LTBP1: variants seen among roughly 807,000 people sequenced by gnomAD.
LTBP1 encodes the protein latent transforming growth factor beta binding protein 1, also known as latent-transforming growth factor beta-binding protein 1.
Under a neutral mutation model 207.6 loss-of-function variants are expected in LTBP1, and 129 were observed. That is an observed-to-expected ratio of 0.62 (90% CI 0.54 to 0.72). The LOEUF is 0.72. Among genes scored for constraint, LTBP1 ranks in the 30% least tolerant of loss-of-function variants. The pLI, the probability that LTBP1 is intolerant of heterozygous loss-of-function variation, is 0.00. For missense variants in LTBP1, 2,281 were observed against 2,217.2 expected (o/e 1.03, Z -0.58); for synonymous variants, 963 against 833.7 (o/e 1.16, Z -2.67).
chr2:33,224,298 G>T (rs538515241), intron 9 of LTBP1, among the ~76,000 whole-genome samples: 4 of 152,260 alleles, frequency 2.6e-5, no homozygotes, highest in African/African-American at 9.6e-5. Flanking sequence ...ACAGAGGAGG[G>T]TCCTTATTTA....
chr2:33,050,449 C>T (rs2076677160), intron 3 of LTBP1, among the ~76,000 whole-genome samples: 1 of 151,796 alleles, frequency 6.6e-6, no homozygotes, highest in South Asian at 2.1e-4. Context: ...ATTTCAGATT[C>T]CAAGAAAGAG....
chr2:33,026,950 C>G (rs1292684997), intron 3 of LTBP1, among the ~76,000 whole-genome samples: 1 of 152,232 alleles, frequency 6.6e-6, no homozygotes, highest in Non-Finnish European at 1.5e-5. Flanking sequence ...TTCCTCCTCA[C>G]CGGAGGGAGC....
intron 24 of LTBP1, among the ~76,000 whole-genome samples, chr2:33,319,225 C>T (rs2094317942): frequency 6.6e-6 from 1 of 152,048 alleles, no homozygotes; most frequent in East Asian, 1.9e-4. Flanking sequence ...TGGTGGAACC[C>T]CGTCTCTACT....
intron 9 of LTBP1, among the ~76,000 whole-genome samples, chr2:33,228,918 T>C (rs1054456389): frequency 6.6e-6 from 1 of 151,690 alleles, no homozygotes; most frequent in Non-Finnish European, 1.5e-5. Flanking sequence ...CCAGGATGGT[T>C]TTGATCTCCC....
At chr2:33,063,059 G>A (rs1375644164) in intron 3 of LTBP1, 1 of 152,190 alleles carries the variant, frequency 6.6e-6, no homozygotes, top group Non-Finnish European at 1.5e-5. Flanking sequence ...GATAAGGGGG[G>A]ACTCCTGTCC....
intron 20 of LTBP1, among the ~76,000 whole-genome samples, chr2:33,295,144 A>G (rs1462781800): frequency 6.6e-6 from 1 of 151,912 alleles, no homozygotes; most frequent in Non-Finnish European, 1.5e-5. Flanking sequence ...TATACTTAAC[A>G]TTTATATTTG....
chr2:33,007,676 C>G (rs1230023276), intron 2 of LTBP1, among the ~76,000 whole-genome samples: 1 of 152,188 alleles, frequency 6.6e-6, no homozygotes, highest in African/African-American at 2.4e-5. Context: ...AAAGAAAATT[C>G]TATCCCATAT....
intron 2 of LTBP1, among the ~76,000 whole-genome samples, chr2:33,013,075 G>A (rs1451427988): frequency 6.6e-6 from 1 of 151,992 alleles, no homozygotes; most frequent in East Asian, 1.9e-4. Flanking sequence ...CACAAATAGC[G>A]CTGCTGTGGA....
chr2:33,030,698 A>G (rs1218718972), intron 3 of LTBP1, among the ~76,000 whole-genome samples: 4 of 152,236 alleles, frequency 2.6e-5, no homozygotes, highest in African/African-American at 9.6e-5. Context: ...GAAAGTAAAT[A>G]TGTAAGTCAG....
chr2:33,343,251 T>TAAA (rs968575226), intron 25 of LTBP1, among the ~76,000 whole-genome samples: 5 of 150,128 alleles, frequency 3.3e-5, no homozygotes, highest in South Asian at 2.1e-4. Context: ...ATAAAAATTT[T>TAAA]AAAAAAAAAA....
intron 7 of LTBP1, among the ~76,000 whole-genome samples, chr2:33,215,716 G>GTTTTTTTTTTTTTTT (rs1287189048): frequency 3.6e-5 from 5 of 139,064 alleles, no homozygotes; most frequent in African/African-American, 1.4e-4. Flanking sequence ...GTTTTCTTTT[G>GTTTTTTTTTTTTTTT]TTTTTTGTTT....
At chr2:33,398,016 G>A (rs532918173) in intron 33 of LTBP1, among the ~76,000 whole-genome samples, 3 of 152,232 alleles carry the variant, frequency 2.0e-5, no homozygotes, top group African/African-American at 7.2e-5. Context: ...AGGCCTCTGC[G>A]TAGGTATCTG....
chr2:33,315,793 C>T (rs1324535857), intron 24 of LTBP1, among the ~76,000 whole-genome samples: 1 of 152,078 alleles, frequency 6.6e-6, no homozygotes, highest in Non-Finnish European at 1.5e-5. Flanking sequence ...AAAAATTAGC[C>T]AGGTGTGGTG....
Position 33,257,320 on chromosome 2 carries a change from A to G in LTBP1, c.2204A>G (p.Tyr735Cys), listed in dbSNP as rs1158667185. The change falls in exon 12 of 34, where the codon TAT becomes TGT. Residue 735 changes from tyrosine (Y) to cysteine (C), a missense_variant. Around this residue, in one of 3 missense-constraint regions of LTBP1, gnomAD observed 1,671 missense variants for 1,634.8 expected, o/e 1.02. Transcript: ENST00000404816. ...GAAATCTGTCCTGGTGGAATGGGTT[A>G]TACGGTTTCTGGCGTTCATAGACGC... Reference protein sequence around the residue: ...FKEICPGGMGYTVSGVHRRRP... With the variant: ...FKEICPGGMGCTVSGVHRRRP... The G allele has an allele frequency of 1.2e-6, 2 of 1,614,204 alleles. No homozygotes were observed. Among genetic ancestry groups the G allele is most frequent in the Non-Finnish European group, 1.7e-6 (2 of 1,180,034 alleles).
chr2:33,324,264 ATAATTGTTATAACAATTG>A (rs2094396605), intron 24 of LTBP1, among the ~76,000 whole-genome samples: 1 of 126,690 alleles, frequency 7.9e-6, no homozygotes, highest in African/African-American at 3.3e-5. Flanking sequence ...GTATATTGTT[ATAATTGTTATAACAATTG>A]TTATAATTGT....
chr2:33,064,558 A>G (rs530102647), intron 3 of LTBP1, among the ~76,000 whole-genome samples: 5 of 152,292 alleles, frequency 3.3e-5, no homozygotes, highest in Admixed American at 3.3e-4. Flanking sequence ...TTTGTGTCGC[A>G]GTTGAGGAAC....
intron 18 of LTBP1, among the ~76,000 whole-genome samples, chr2:33,278,709 T>C (rs2093497286): frequency 6.6e-6 from 1 of 152,212 alleles, no homozygotes; most frequent in Admixed American, 6.5e-5. Flanking sequence ...TTAGCAGTTG[T>C]AGTTCTATTT....
chr2:33,043,584 G>A (rs188513118), intron 3 of LTBP1, among the ~76,000 whole-genome samples: 3 of 152,084 alleles, frequency 2.0e-5, no homozygotes, highest in East Asian at 1.9e-4. Context: ...TAGAATGGCC[G>A]GTTTTAGCTG....
intron 32 of LTBP1, among the ~76,000 whole-genome samples, chr2:33,390,890 C>T (rs556597729): frequency 2.6e-5 from 4 of 152,212 alleles, no homozygotes; most frequent in East Asian, 1.9e-4. Flanking sequence ...GGCCCTGTCA[C>T]CTGTGCACGA....
Sources: allele counts gnomAD v4.1 joint callset (sites outside exome capture counted in the v4.1 genomes callset), GRCh38; gene constraint gnomAD v4.1.1; regional missense constraint gnomAD v4.1.1; transcripts MANE v1.5; gene names NCBI Gene and HGNC (gene_info 2026-07-23, HGNC 2026-07-21).